DPP6: variants seen among roughly 807,000 people sequenced by gnomAD.
DPP6 encodes A-type potassium channel modulatory protein DPP6.
Under a neutral mutation model 122.6 loss-of-function variants are expected in DPP6, and 69 were observed. That is an observed-to-expected ratio of 0.56 (90% CI 0.46 to 0.69). The LOEUF is 0.69. DPP6 is among the 30% of genes least tolerant of loss of function. DPP6 has a pLI of 0.00. For synonymous variants in DPP6, 418 were observed against 433.1 expected, an observed-to-expected ratio of 0.97 and a Z score of 0.43; for missense variants, 928 against 1,116.9, an observed-to-expected ratio of 0.83 and a Z score of 2.41.
At position 154,814,627 on chromosome 7, in the gene DPP6, G is replaced by A. The variant is rs549925704; in HGVS notation, c.1666+7515G>A. 1.5e-3 allele frequency among the ~76,000 whole-genome samples: 234 copies of A among 152,226 alleles called. 2 individuals carry two copies. The highest frequency in any genetic ancestry group is 5.0e-3 in the African/African-American group (209 of 41,536). On this transcript the variant is annotated intron_variant, in intron 16 of 25. Transcript: ENST00000377770. ...CTTCTAGGACAGCTAACAAATTACC[G>A]CAATCTGGATGGTTTAAACCAACAG...
rs191904246 is a variant in DPP6, at chr7:154,532,035, A to G, written c.458-8497A>G. The stretch of plus-strand genomic sequence containing the variant: ...AACAAACAAACAAATGATAAACCCA[A>G]ACCCAGCCATATAAATGGTTTTCTT... On this transcript the variant is annotated intron_variant, in intron 3 of 25. Transcript: ENST00000377770. Among the ~76,000 whole-genome samples, 488 of 152,216 alleles carry G rather than the reference A, an allele frequency of 3.2e-3. 2 individuals carry two copies. Among genetic ancestry groups the G allele is most frequent in the Non-Finnish European group, 3.0e-3 (205 of 67,966 alleles).
At chr7:153,913,615 AT>A in intron 1 of DPP6, among the ~76,000 whole-genome samples, 1 of 125,226 alleles carries the variant, frequency 8.0e-6, no homozygotes, top group Non-Finnish European at 2.0e-5. Flanking sequence ...ATTTGAGGAA[AT>A]CATCACATCT....
At position 154,613,619 on chromosome 7, in the gene DPP6, CAAAAAAAAAAAAAAAAAAAA is replaced by C. The variant is rs749561005; in HGVS notation, c.628-24187_628-24168del. 1.7e-4 allele frequency among the ~76,000 whole-genome samples: 9 copies of C among 51,830 alleles called. No homozygotes were observed. In the Admixed American group the frequency reaches 2.2e-3, roughly 13 times the overall value. The allele number at this position is 51,830 out of a possible 152,430, so 34.0% of individuals were successfully genotyped here. A position where few individuals can be genotyped will look rare whatever the true frequency, so the allele number is the denominator to read the frequency against. ...GGGCAACAAGAGCGAGACTCTGTCT[CAAAAAAAAAAAAAAAAAAAA>C]AAAAAAAAAAAAAAGTAGATGAAGC... is the stretch of plus-strand genomic sequence containing the variant. On this transcript the variant is annotated intron_variant, in intron 5 of 25. Transcript: ENST00000377770.
chr7:153,977,223 T>G (rs1181092002), intron 1 of DPP6, among the ~76,000 whole-genome samples: 3 of 124,420 alleles, frequency 2.4e-5, no homozygotes, highest in Admixed American at 1.6e-4. Flanking sequence ...GTGTGTGTGT[T>G]GACCTTTGCT....
At chr7:154,509,771 A>G (rs894728238) in intron 3 of DPP6, among the ~76,000 whole-genome samples, 1 of 152,230 alleles carries the variant, frequency 6.6e-6, no homozygotes, top group African/African-American at 2.4e-5. Flanking sequence ...AAAAGCAATA[A>G]AATACTGATT....
At chr7:154,051,239 G>T (rs1224196578), upstream of DPP6, among the ~76,000 whole-genome samples, 1 of 118,066 alleles carries the variant, frequency 8.5e-6, no homozygotes, top group Non-Finnish European at 1.9e-5. Context: ...GGCGGAATGG[G>T]CAGGGTCGGG....
At chr7:154,535,552 T>C (rs7776666) in intron 3 of DPP6, among the ~76,000 whole-genome samples, 34,091 of 151,370 alleles carry the variant, frequency 0.23, 4,744 homozygotes, top group African/African-American at 0.4. Flanking sequence ...CCCCATCCCC[T>C]GACAGGCCCC....
chr7:153,799,315 A>G, the DPP6 span, among the ~76,000 whole-genome samples: 1 of 152,224 alleles, frequency 6.6e-6, no homozygotes, highest in Non-Finnish European at 1.5e-5. Context: ...CTAGTCAGCC[A>G]TACCCATCTT....
In DPP6 at chr7:154,424,527, C is replaced by T. The variant is rs377606134; in HGVS notation, c.244-21687C>T. ...TTTCTAATATCATATTACTTGACAC[C>T]GACTCTTCTCCCTCCCTCTTCCACA... On this transcript the variant is annotated intron_variant, in intron 1 of 25. Transcript: ENST00000377770. Among the ~76,000 whole-genome samples the T allele has an allele frequency of 4.6e-5, 7 of 152,122 alleles. No individual in the cohort carries two copies. In the South Asian group the frequency reaches 1.2e-3, roughly 27 times the overall value.
At chr7:154,500,575 A>T (rs1459395244) in intron 3 of DPP6, among the ~76,000 whole-genome samples, 1 of 152,096 alleles carries the variant, frequency 6.6e-6, no homozygotes, top group Non-Finnish European at 1.5e-5. Context: ...GATGGTTTTA[A>T]AAAGGGGAGT....
chr7:154,655,776 G>C (rs895965280), intron 6 of DPP6, among the ~76,000 whole-genome samples: 1 of 152,230 alleles, frequency 6.6e-6, no homozygotes, highest in African/African-American at 2.4e-5. Context: ...AGAAGCCCAG[G>C]GGGTGGGCAG....
At chr7:154,490,094 C>T (rs907743098) in intron 3 of DPP6, among the ~76,000 whole-genome samples, 19 of 152,226 alleles carry the variant, frequency 1.2e-4, no homozygotes, top group African/African-American at 4.6e-4. Context: ...AGTTAAGTCA[C>T]TTACCTTAGG....
chr7:154,586,837 C>T (rs185470258), intron 5 of DPP6, among the ~76,000 whole-genome samples: 1 of 152,148 alleles, frequency 6.6e-6, no homozygotes, highest in Non-Finnish European at 1.5e-5. Flanking sequence ...CCCCAGATAC[C>T]CCAGGCATCA....
At chr7:153,926,129 C>T (rs1800887423) in intron 1 of DPP6, among the ~76,000 whole-genome samples, 1 of 152,192 alleles carries the variant, frequency 6.6e-6, no homozygotes. Flanking sequence ...AGTCATTCTT[C>T]TAAGGTAGTT....
chr7:154,891,732 C>T (rs181915487), intron 25 of DPP6, among the ~76,000 whole-genome samples: 14 of 152,194 alleles, frequency 9.2e-5, no homozygotes, highest in Middle Eastern at 3.4e-3. Context: ...ATTACAGGCA[C>T]GCCCCACCAT....
chr7:153,946,430 T>A (rs1316389303), intron 1 of DPP6, among the ~76,000 whole-genome samples: 1 of 152,072 alleles, frequency 6.6e-6, no homozygotes, highest in East Asian at 1.9e-4. Context: ...ATGGTGCCGG[T>A]GGGAGTGTCT....
At chr7:154,020,835 G>A (rs1204381760) in intron 1 of DPP6, among the ~76,000 whole-genome samples, 2 of 152,130 alleles carry the variant, frequency 1.3e-5, no homozygotes, top group East Asian at 3.9e-4. Flanking sequence ...GAGGCATTTA[G>A]GGGTGAACTT....
intron 1 of DPP6, among the ~76,000 whole-genome samples, chr7:154,304,289 G>T (rs113645834): frequency 6.6e-6 from 1 of 152,216 alleles, no homozygotes; most frequent in Admixed American, 6.5e-5. Context: ...TGCTTCTGGA[G>T]GGCCAGGAGA....
intron 5 of DPP6, among the ~76,000 whole-genome samples, chr7:154,623,683 GCACA>G (rs1834883400): frequency 6.6e-6 from 1 of 150,816 alleles, no homozygotes; most frequent in African/African-American, 2.4e-5. Flanking sequence ...ACACGCACAT[GCACA>G]CACAGAGTCA....
Sources: allele counts gnomAD v4.1 joint callset (sites outside exome capture counted in the v4.1 genomes callset), GRCh38; gene constraint gnomAD v4.1.1; transcripts MANE v1.5; gene names NCBI Gene and HGNC (gene_info 2026-07-23, HGNC 2026-07-21).